The following ZNF536 variants were observed in gnomAD, a reference collection of about 807,000 sequenced individuals.
ZNF536 encodes zinc finger protein 536.
Under a neutral mutation model 84.5 loss-of-function variants are expected in ZNF536, and 13 were observed. That is an observed-to-expected ratio of 0.15 (90% CI 0.10 to 0.24). The LOEUF is 0.24. Among genes scored for constraint, ZNF536 ranks in the 10% least tolerant of loss-of-function variants. The pLI, the probability that ZNF536 is intolerant of heterozygous loss-of-function variation, is 1.00. For missense variants in ZNF536, 1,536 were observed against 1,747.5 expected, an observed-to-expected ratio of 0.88 and a Z score of 2.16; for synonymous variants, 811 against 742.5, an observed-to-expected ratio of 1.09 and a Z score of -1.50.
In ZNF536 at chr19:30,549,346, G is replaced by A. The variant is rs769780270; in HGVS notation, c.3727G>A (p.Asp1243Asn). ...CAGCCAGGGTCTTCTCCAAGCCCAG[G>A]ACCCCTTGGCGGGCCTGCCAAAGCC... is the stretch of plus-strand genomic sequence containing the variant. ...WHSQGLLQAQ[D>N]PLAGLPKPER... The change falls in exon 4 of 5, where the codon GAC becomes AAC. Residue 1243 changes from aspartate to asparagine, a missense_variant. This residue lies in a region of ZNF536 where 624 missense variants were observed against 603.1 expected (regional missense o/e 1.03). Transcript: ENST00000355537. 3 of 1,606,518 alleles carry A rather than the reference G, an allele frequency of 1.9e-6. No homozygotes were observed. The highest frequency in any genetic ancestry group is 2.2e-5 in the East Asian group (1 of 44,796).
intron 1 of ZNF536, among the ~76,000 whole-genome samples, chr19:30,233,777 G>T (rs2023259995): frequency 6.6e-6 from 1 of 152,142 alleles, no homozygotes. Context: ...GTAGGTGGTG[G>T]GTCTAGGATT....
rs1027689551 is a variant in ZNF536, at chr19:30,377,464, C to T, written c.-3+4908C>T. 1.9e-4 allele frequency among the ~76,000 whole-genome samples: 29 copies of T among 152,064 alleles called. 1 individual carries two copies. The highest frequency in any genetic ancestry group is 6.0e-4 in the African/African-American group (25 of 41,404). ...TGTAAGAAAGAATTCAGGGCGAGTC[C>T]GCAGTTCAAAGCAAAAGCAAGTTTA... On this transcript the variant is annotated intron_variant, in intron 1 of 4. Transcript: ENST00000355537.
chr19:30,694,712 A>G (rs1451604658), intron 1 of ZNF536, among the ~76,000 whole-genome samples: 1 of 152,194 alleles, frequency 6.6e-6, no homozygotes, highest in Non-Finnish European at 1.5e-5. Context: ...GGAAAAAAAT[A>G]TGTGGGCCTG....
At chr19:30,610,322 G>T (rs1172529568) in intron 1 of ZNF536, among the ~76,000 whole-genome samples, 1 of 152,114 alleles carries the variant, frequency 6.6e-6, no homozygotes, top group African/African-American at 2.4e-5. Context: ...TTTCCATCTG[G>T]CAGGGCAGTT....
At chr19:30,439,422 C>G (rs375672099) in intron 1 of ZNF536, among the ~76,000 whole-genome samples, 3 of 152,054 alleles carry the variant, frequency 2.0e-5, no homozygotes, top group Non-Finnish European at 4.4e-5. Context: ...AAATTGGGGC[C>G]GACCCAGGTT....
intron 1 of ZNF536, among the ~76,000 whole-genome samples, chr19:30,381,745 A>G (rs965997487): frequency 5.3e-5 from 8 of 152,154 alleles, no homozygotes; most frequent in Admixed American, 2.0e-4. Context: ...GGAACGTTGT[A>G]AACAGGCTTT....
intron 1 of ZNF536, among the ~76,000 whole-genome samples, chr19:30,427,845 G>A (rs1363794263): frequency 2.0e-5 from 3 of 152,100 alleles, no homozygotes; most frequent in Admixed American, 2.0e-4. Flanking sequence ...TTCCACCTTG[G>A]GTGTGACATG....
At chr19:30,595,169 C>T (rs2047416227) in intron 1 of ZNF536, among the ~76,000 whole-genome samples, 1 of 152,214 alleles carries the variant, frequency 6.6e-6, no homozygotes, top group Admixed American at 6.5e-5. Flanking sequence ...TGGCCCTCTG[C>T]TTTCACTGTG....
chr19:30,527,933 C>CTGCT (rs1453490233), intron 2 of ZNF536, among the ~76,000 whole-genome samples: 1 of 152,206 alleles, frequency 6.6e-6, no homozygotes, highest in Non-Finnish European at 1.5e-5. Context: ...TGCCACTGAA[C>CTGCT]TGCTTCTTCA....
At chr19:30,382,687 A>G (rs931922722) in intron 1 of ZNF536, among the ~76,000 whole-genome samples, 2 of 151,970 alleles carry the variant, frequency 1.3e-5, no homozygotes, top group African/African-American at 4.8e-5. Flanking sequence ...TGAGGGAAGG[A>G]AGTATGGCTT....
Position 30,444,906 on chromosome 19 carries a change from G to A in ZNF536, c.1344G>A (p.Glu448=). Residue 448 remains glutamate, a synonymous_variant, in exon 2 of 5, where the codon GAG becomes GAA. Coordinates refer to ENST00000355537, the MANE Select transcript of ZNF536 (RefSeq NM_014717.3). ...CCCCGGACAAAGCCGGCCTGAGCGA[G>A]CCCAGCCAGCTCTATGGCAAGGGCG... ...FMTPDKAGLS[E]PSQLYGKGEL... The A allele has an allele frequency of 6.2e-7, 1 of 1,611,158 alleles. No homozygotes were observed. Among genetic ancestry groups the A allele is most frequent in the Non-Finnish European group, 8.5e-7 (1 of 1,178,810 alleles).
intron 2 of ZNF536, among the ~76,000 whole-genome samples, chr19:30,479,383 C>A (rs2053979274): frequency 1.3e-5 from 2 of 152,194 alleles, no homozygotes; most frequent in African/African-American, 4.8e-5. Flanking sequence ...GAAAGTCAGT[C>A]ACGTGGCCCC....
intron 2 of ZNF536, among the ~76,000 whole-genome samples, chr19:30,455,812 A>G (rs1435413175): frequency 6.6e-6 from 1 of 152,190 alleles, no homozygotes; most frequent in African/African-American, 2.4e-5. Flanking sequence ...GATCTATCAA[A>G]CTCGAGGTGA....
At chr19:30,710,544 A>AAAC (rs1347143858) in intron 1 of ZNF536, among the ~76,000 whole-genome samples, 1 of 152,188 alleles carries the variant, frequency 6.6e-6, no homozygotes, top group Non-Finnish European at 1.5e-5. Context: ...TGATCTCTAA[A>AAAC]AACAACAACA....
At chr19:30,531,445 AT>A (rs35093534) in intron 2 of ZNF536, among the ~76,000 whole-genome samples, 18,607 of 144,548 alleles carry the variant, frequency 0.13, 1,311 homozygotes, top group South Asian at 0.25. Context: ...CTTTTTTGTG[AT>A]TTTTTTTTTT....
intron 1 of ZNF536, among the ~76,000 whole-genome samples, chr19:30,699,091 C>T (rs2049763609): frequency 6.6e-6 from 1 of 152,170 alleles, no homozygotes; most frequent in Non-Finnish European, 1.5e-5. Flanking sequence ...CACCCCCACT[C>T]CACCATCAAT....
chr19:30,515,591 A>G (rs1049535552), intron 2 of ZNF536, among the ~76,000 whole-genome samples: 1 of 152,152 alleles, frequency 6.6e-6, no homozygotes, highest in Non-Finnish European at 1.5e-5. Context: ...TCAGGAAGCC[A>G]TTGGTAAAAC....
chr19:30,599,512 T>TTCCC (rs1265961993), intron 1 of ZNF536, among the ~76,000 whole-genome samples: 5 of 129,974 alleles, frequency 3.8e-5, no homozygotes, highest in African/African-American at 5.7e-5. Context: ...CCTTCCTTTC[T>TTCCC]ACCTTCCTTC....
chr19:30,445,118 A>G lies in ZNF536; in HGVS notation c.1556A>G (p.Asn519Ser), dbSNP rs1028160142. Reference protein sequence around the residue: ...AAKAAEMDPVNSYQAWQLMAR... With the variant: ...AAKAAEMDPVSSYQAWQLMAR... ...AAGGCTGCGGAGATGGACCCCGTGAACAGCTACCAGGCTTGGCAGCTCATG... is the reference window on the plus strand; with the variant it reads ...AAGGCTGCGGAGATGGACCCCGTGAGCAGCTACCAGGCTTGGCAGCTCATG... The change falls in exon 2 of 5, where the codon AAC becomes AGC. Residue 519 changes from asparagine (N) to serine (S), a missense_variant. Around this residue, in one of 8 missense-constraint regions of ZNF536, gnomAD observed 366 missense variants for 364.4 expected, o/e 1.00. Transcript: ENST00000355537. This position sits in a 1 kb window ranked among gnomAD's most constrained non-coding sequence, Gnocchi z 4.5. The G allele has an allele frequency of 2.5e-6, 4 of 1,613,954 alleles. No homozygotes were observed. The highest frequency in any genetic ancestry group is 1.7e-5 in the Admixed American group (1 of 60,032).
Sources: allele counts gnomAD v4.1 joint callset (sites outside exome capture counted in the v4.1 genomes callset), GRCh38; gene constraint gnomAD v4.1.1; regional missense constraint gnomAD v4.1.1; non-coding constraint Gnocchi (gnomAD v3.1); transcripts MANE v1.5; gene names NCBI Gene and HGNC (gene_info 2026-07-23, HGNC 2026-07-21).